The following PPP2R5A variants were observed in gnomAD, a reference collection of about 807,000 sequenced individuals.
PPP2R5A encodes the protein serine/threonine-protein phosphatase 2A 56 kDa regulatory subunit alpha isoform.
A neutral mutation model predicts 64.2 loss-of-function variants in PPP2R5A; 25 were observed. The ratio of observed to expected loss-of-function variants is 0.39; its 90% CI spans 0.28 to 0.54. PPP2R5A has a LOEUF of 0.54. PPP2R5A is among the 20% of genes least tolerant of loss of function. The probability of loss-of-function intolerance (pLI) is 0.67; values close to 1 mark genes in which losing one functional copy is unlikely to be tolerated. For missense variants in PPP2R5A, 425 were observed against 576.3 expected, an observed-to-expected ratio of 0.74 and a Z score of 2.69; for synonymous variants, 198 against 201.2, an observed-to-expected ratio of 0.98 and a Z score of 0.13.
At chr1:212,347,850 C>T (rs1384498895) in intron 6 of PPP2R5A, among the ~76,000 whole-genome samples, 1 of 152,066 alleles carries the variant, frequency 6.6e-6, no homozygotes, top group African/African-American at 2.4e-5. Flanking sequence ...CCAGCCTCAG[C>T]TGAATTCTTA....
chr1:212,292,006 A>G (rs1160991262), intron 1 of PPP2R5A, among the ~76,000 whole-genome samples: 1 of 152,208 alleles, frequency 6.6e-6, no homozygotes, highest in Admixed American at 6.5e-5. Flanking sequence ...TTTCTTGAAG[A>G]TCTAGGCCTG....
intron 1 of PPP2R5A, among the ~76,000 whole-genome samples, chr1:212,314,431 C>T (rs1285275904): frequency 6.6e-6 from 1 of 151,942 alleles, no homozygotes; most frequent in Non-Finnish European, 1.5e-5. Context: ...ATCTTAAACT[C>T]CAGTACTGTT....
intron 2 of PPP2R5A, among the ~76,000 whole-genome samples, chr1:212,332,675 C>A (rs367554237): frequency 2.0e-5 from 3 of 152,076 alleles, no homozygotes; most frequent in African/African-American, 7.2e-5. Flanking sequence ...TACCCTCACT[C>A]ACCTCTTCCT....
intron 1 of PPP2R5A, chr1:212,313,840 A>G (rs943445487): frequency 2.0e-5 from 3 of 152,032 alleles, no homozygotes; most frequent in Non-Finnish European, 4.4e-5. Context: ...TCCCTTCTTC[A>G]TGTTAAAAAT....
chr1:212,337,681 A>G (rs1370392694), intron 3 of PPP2R5A, among the ~76,000 whole-genome samples: 1 of 152,148 alleles, frequency 6.6e-6, no homozygotes, highest in Non-Finnish European at 1.5e-5. Flanking sequence ...GGCCTTTTTC[A>G]TTGTGAATAG....
At chr1:212,357,704 G>C (rs1305463032) in intron 11 of PPP2R5A, among the ~76,000 whole-genome samples, 1 of 151,598 alleles carries the variant, frequency 6.6e-6, no homozygotes, top group African/African-American at 2.4e-5. Context: ...TCGGGAGGCT[G>C]AGGCAGGAGA....
intron 1 of PPP2R5A, among the ~76,000 whole-genome samples, chr1:212,288,059 C>G (rs185992645): frequency 6.6e-6 from 1 of 152,134 alleles, no homozygotes; most frequent in Non-Finnish European, 1.5e-5. Flanking sequence ...TTTCGTTGCT[C>G]AGGCTGGAGT....
In PPP2R5A at chr1:212,347,448, GA is replaced by G. The variant is rs759992798; in HGVS notation, c.764+44del. The G allele has an allele frequency of 4.2e-6, 6 of 1,421,904 alleles. No homozygotes were observed. In the South Asian group the frequency reaches 6.0e-5, roughly 14 times the overall value. The allele number at this position is 1,421,904 out of a possible 1,614,324, so 88.1% of individuals were successfully genotyped here. A position where few individuals can be genotyped will look rare whatever the true frequency, so the allele number is the denominator to read the frequency against. ...TGTTCTTTTTAAGAATTAAGTAAGT[GA>G]ATGTTTTATGTATTAAAATCTTAGC... On this transcript the variant is annotated intron_variant, in intron 6 of 12. Coordinates refer to ENST00000261461, the MANE Select transcript of PPP2R5A (RefSeq NM_006243.4).
chr1:212,337,865 T>G (rs1659615988), intron 3 of PPP2R5A, among the ~76,000 whole-genome samples: 1 of 152,190 alleles, frequency 6.6e-6, no homozygotes, highest in Non-Finnish European at 1.5e-5. Flanking sequence ...CAGGCAATGT[T>G]CTTTTTGGGT....
intron 1 of PPP2R5A, among the ~76,000 whole-genome samples, chr1:212,312,465 ATAACT>A (rs1234778921): frequency 6.6e-6 from 1 of 152,334 alleles, no homozygotes; most frequent in East Asian, 1.9e-4. Context: ...TGTTTTAAAC[ATAACT>A]TCTATCAGTT....
At chr1:212,314,935 G>A (rs976524901) in intron 1 of PPP2R5A, among the ~76,000 whole-genome samples, 3 of 152,102 alleles carry the variant, frequency 2.0e-5, no homozygotes, top group Admixed American at 6.6e-5. Flanking sequence ...TTCAACTCCT[G>A]GGCTCAAGCA....
At chr1:212,329,473 TCCAATGATA>T in intron 2 of PPP2R5A, 142 bp downstream of exon 2, 1 of 703,406 alleles carries the variant, frequency 1.4e-6, no homozygotes, top group South Asian at 2.3e-5. Context: ...CCCCATCCAT[TCCAATGATA>T]CCATCATTGC....
chr1:212,354,180 T>A (rs1366409552), intron 8 of PPP2R5A, among the ~76,000 whole-genome samples: 1 of 151,810 alleles, frequency 6.6e-6, no homozygotes, highest in African/African-American at 2.4e-5. Context: ...CGAGACTCTG[T>A]CTCAAAAATA....
intron 1 of PPP2R5A, among the ~76,000 whole-genome samples, chr1:212,321,407 C>T (rs1659289036): frequency 6.6e-6 from 1 of 151,674 alleles, no homozygotes; most frequent in South Asian, 2.1e-4. Flanking sequence ...GGCTGCCAGG[C>T]GGAGACGCTC....
intron 3 of PPP2R5A, among the ~76,000 whole-genome samples, chr1:212,341,249 G>A (rs1054652674): frequency 6.6e-6 from 1 of 152,188 alleles, no homozygotes; most frequent in African/African-American, 2.4e-5. Context: ...TAGAAGGCCT[G>A]CTATGACTTC....
intron 2 of PPP2R5A, among the ~76,000 whole-genome samples, chr1:212,332,529 C>T (rs1659521299): frequency 6.6e-6 from 1 of 152,148 alleles, no homozygotes; most frequent in African/African-American, 2.4e-5. Context: ...CTTTATTTCA[C>T]TGGATCTAAA....
chr1:212,286,034 G>A lies in PPP2R5A; in HGVS notation c.-77G>A. On this transcript the variant is annotated 5_prime_UTR_variant, in exon 1 of 13. Coordinates refer to ENST00000261461, the MANE Select transcript of PPP2R5A (RefSeq NM_006243.4). ...CGCGAGCACCCCGCGCCTCTCCCCC[G>A]CCTCCTCCTGCCGTCTCCGCCGCTG... 2 of 1,392,548 alleles carry A rather than the reference G, an allele frequency of 1.4e-6. No individual in the cohort carries two copies. Among genetic ancestry groups the A allele is most frequent in the Admixed American group, 3.1e-5 (1 of 32,122 alleles). 86.3% of individuals were successfully genotyped at this position (1,392,548 alleles called of 1,614,324 possible).
Position 212,360,801 on chromosome 1 carries a change from C to T in PPP2R5A, c.*31C>T, listed in dbSNP as rs768355306. 14 of 1,493,748 alleles carry T rather than the reference C, an allele frequency of 9.4e-6. No individual in the cohort carries two copies. In the South Asian group the frequency reaches 2.0e-4, roughly 21 times the overall value. 92.5% of individuals were successfully genotyped at this position (1,493,748 alleles called of 1,614,324 possible). A position where few individuals can be genotyped will look rare whatever the true frequency, so the allele number is the denominator to read the frequency against. On this transcript the variant is annotated 3_prime_UTR_variant, in exon 13 of 13. Coordinates refer to ENST00000261461, the MANE Select transcript of PPP2R5A (RefSeq NM_006243.4). ...AAGCCTCCCACCTCTGCCGGATAGG[C>T]AGAGTTTTGTATGCTTTTTTGAAAT...
chr1:212,360,070 A>C (rs1462499491), intron 12 of PPP2R5A, among the ~76,000 whole-genome samples: 3 of 152,224 alleles, frequency 2.0e-5, no homozygotes, highest in Non-Finnish European at 4.4e-5. Context: ...TAGAACTGAA[A>C]TTAATTAGTT....
Sources: gnomAD v4.1 joint callset for allele counts (sites outside exome capture counted in the v4.1 genomes callset) on GRCh38, gnomAD v4.1.1 for gene constraint, MANE v1.5 for transcripts, NCBI Gene and HGNC (gene_info 2026-07-23, HGNC 2026-07-21) for gene names.